The following GRAMD2A variants were observed in gnomAD, a reference collection of about 807,000 sequenced individuals.
GRAMD2A encodes the protein GRAM domain-containing protein 2A.
A neutral mutation model predicts 51.1 loss-of-function variants in GRAMD2A; 37 were observed. That is an observed-to-expected ratio of 0.72 (90% CI 0.56 to 0.95). GRAMD2A has a LOEUF of 0.95. Ranked by LOEUF, GRAMD2A falls within the 40% of genes least tolerant of loss-of-function variation. The pLI, the probability that GRAMD2A is intolerant of heterozygous loss-of-function variation, is 0.00. For missense variants in GRAMD2A, 414 were observed against 426.9 expected (o/e 0.97, Z 0.27); for synonymous variants, 136 against 157.1 (o/e 0.87, Z 1.01).
At chr15:72,162,062 C>A in intron 11 of GRAMD2A, 50 bp from the exon 12 acceptor site, 1 of 1,612,082 alleles carries the variant, frequency 6.2e-7, no homozygotes, top group East Asian at 2.2e-5. Flanking sequence ...AGAATGCAGA[C>A]GGACGTGGGC....
At chr15:72,180,880 G>A (rs1036688977) in intron 1 of GRAMD2A, among the ~76,000 whole-genome samples, 5 of 152,198 alleles carry the variant, frequency 3.3e-5, no homozygotes, top group Non-Finnish European at 7.3e-5. Context: ...GCCACGAACT[G>A]TATAAACTGC....
rs534824556 is a variant in GRAMD2A, at chr15:72,174,993, C to T, written c.42-5054G>A. On this transcript the variant is annotated intron_variant, in intron 1 of 11. Coordinates refer to ENST00000309731, the MANE Select transcript of GRAMD2A (RefSeq NM_001012642.3). ...TGTAACCTTGACACCCACACCCTCCCGAGCTTCACCCCCTGCCATCTAGAC... is the reference window on the plus strand; with the variant it reads ...TGTAACCTTGACACCCACACCCTCCTGAGCTTCACCCCCTGCCATCTAGAC... Among the ~76,000 whole-genome samples the T allele has an allele frequency of 1.1e-4, 17 of 152,214 alleles. No individual in the cohort carries two copies. In the East Asian group the frequency reaches 1.9e-3, roughly 17 times the overall value.
chr15:72,165,245 G>T, intron 8 of GRAMD2A, 109 bp downstream of exon 8: 2 of 960,090 alleles, frequency 2.1e-6, no homozygotes, highest in African/African-American at 1.6e-5. Context: ...ACTGACTCTT[G>T]AGCCTGGTGC....
At chr15:72,177,701 C>T (rs1017467401) in intron 1 of GRAMD2A, among the ~76,000 whole-genome samples, 2 of 152,202 alleles carry the variant, frequency 1.3e-5, no homozygotes, top group Non-Finnish European at 2.9e-5. Flanking sequence ...ATTAGAAGCT[C>T]TAGGTCATAA....
chr15:72,168,831 TG>T, intron 3 of GRAMD2A, 107 bp downstream of exon 3: 2 of 1,016,914 alleles, frequency 2.0e-6, no homozygotes, highest in African/African-American at 1.6e-5. Flanking sequence ...TCAGGTCTCC[TG>T]ATTTCCTGAT....
chr15:72,168,623 C>A, intron 3 of GRAMD2A, 57 bp from the exon 4 acceptor site: 1 of 1,452,582 alleles, frequency 6.9e-7, no homozygotes, highest in Non-Finnish European at 9.7e-7. Context: ...GCCAAAGGGG[C>A]CCTGCTCCAG....
intron 1 of GRAMD2A, among the ~76,000 whole-genome samples, chr15:72,177,359 A>G (rs984073098): frequency 3.3e-5 from 5 of 152,226 alleles, no homozygotes; most frequent in African/African-American, 1.2e-4. Context: ...CCTGGGAACC[A>G]GGCCCCCAGA....
At chr15:72,177,974 C>T (rs888544100) in intron 1 of GRAMD2A, among the ~76,000 whole-genome samples, 2 of 152,182 alleles carry the variant, frequency 1.3e-5, no homozygotes, top group Non-Finnish European at 2.9e-5. Flanking sequence ...GTGATCCACC[C>T]GCCTCGGCCT....
intron 1 of GRAMD2A, among the ~76,000 whole-genome samples, chr15:72,179,345 T>G (rs184345241): frequency 6.3e-4 from 96 of 152,330 alleles, no homozygotes; most frequent in African/African-American, 2.2e-3. Context: ...TCAGATTCCC[T>G]TCCTAAGGAA....
rs140635302 is a variant in GRAMD2A at position 72,190,357 on chromosome 15, C to T, written c.41+7374G>A. 9.3e-4 allele frequency among the ~76,000 whole-genome samples: 141 copies of T among 151,942 alleles called. 1 individual carries two copies. Among genetic ancestry groups the T allele is most frequent in the East Asian group, 3.1e-3 (16 of 5,178 alleles). ...TTGCACCACTGCACTCCAGCCTGGG[C>T]GACAGAGTGAGATTCTGTCTAAAAA... On this transcript the variant is annotated intron_variant, in intron 1 of 11. Coordinates refer to ENST00000309731, the MANE Select transcript of GRAMD2A (RefSeq NM_001012642.3).
chr15:72,174,393 G>C (rs902478810), intron 1 of GRAMD2A, among the ~76,000 whole-genome samples: 1 of 152,060 alleles, frequency 6.6e-6, no homozygotes, highest in Admixed American at 6.6e-5. Flanking sequence ...ACTTTTTGTC[G>C]CGCTAGGTGT....
intron 1 of GRAMD2A, 36 bp downstream of exon 1, chr15:72,197,695 A>AC: frequency 7.8e-7 from 1 of 1,276,736 alleles, no homozygotes; most frequent in Non-Finnish European, 9.9e-7. Flanking sequence ...GGCCTCCGGA[A>AC]CCCCCGAGAC....
chr15:72,183,764 G>A (rs1177789810), intron 1 of GRAMD2A, among the ~76,000 whole-genome samples: 1 of 152,242 alleles, frequency 6.6e-6, no homozygotes, highest in Non-Finnish European at 1.5e-5. Flanking sequence ...GGAGGAGAAC[G>A]CAATGCTGAA....
Position 72,170,225 on chromosome 15 carries a change from A to T in GRAMD2A, c.42-286T>A, listed in dbSNP as rs747999602. ...ACCTGTCTACCTCATCTCCAGTGCC[A>T]GGCAGCTCGTAGGCCAGGCTGAGTG... On this transcript the variant is annotated intron_variant, in intron 1 of 11. Coordinates refer to ENST00000309731, the MANE Select transcript of GRAMD2A (RefSeq NM_001012642.3). The surrounding 1 kb of genome is among the most constrained non-coding windows in gnomAD (Gnocchi z 4.5). 1.8e-6 allele frequency: 1 copy of T among 554,834 alleles called. No individual in the cohort carries two copies. The highest frequency in any genetic ancestry group is 4.4e-5 in the East Asian group (1 of 22,850). The allele number at this position is 554,834 out of a possible 1,614,324, so 34.4% of individuals were successfully genotyped here.
intron 9 of GRAMD2A, 31 bp from the exon 10 acceptor site, chr15:72,163,507 C>T: frequency 6.2e-7 from 1 of 1,605,998 alleles, no homozygotes; most frequent in Middle Eastern, 1.7e-4. Context: ...AAAAAATCAG[C>T]TCTCAGAAGC....
chr15:72,182,662 A>G (rs1412212270), intron 1 of GRAMD2A, among the ~76,000 whole-genome samples: 2 of 152,226 alleles, frequency 1.3e-5, no homozygotes, highest in Admixed American at 6.5e-5. Flanking sequence ...TATAATCTTG[A>G]GGACATTATG....
chr15:72,197,625 C>A (rs2081820062), intron 1 of GRAMD2A, 106 bp downstream of exon 1: 15 of 921,552 alleles, frequency 1.6e-5, no homozygotes, highest in African/African-American at 8.8e-5. Context: ...GGGCAGAACG[C>A]GCCGAGTTGC....
chr15:72,173,991 T>C (rs2140551185), intron 1 of GRAMD2A: 1 of 150,498 alleles, frequency 6.6e-6, no homozygotes, highest in South Asian at 2.1e-4. Flanking sequence ...AGAGGATGGT[T>C]GCAAGCCATT....
intron 1 of GRAMD2A, among the ~76,000 whole-genome samples, chr15:72,172,711 G>A (rs904236997): frequency 1.3e-5 from 2 of 152,098 alleles, no homozygotes; most frequent in African/African-American, 2.4e-5. Context: ...GATTACAGGT[G>A]TGAGCCACCA....
Sources: gnomAD v4.1 joint callset for allele counts (sites outside exome capture counted in the v4.1 genomes callset) on GRCh38, gnomAD v4.1.1 for gene constraint, Gnocchi (gnomAD v3.1) non-coding constraint, MANE v1.5 for transcripts, NCBI Gene and HGNC (gene_info 2026-07-23, HGNC 2026-07-21) for gene names.